ZNF737: variants seen among roughly 807,000 people sequenced by gnomAD.
ZNF737 encodes zinc finger protein 737.
Under a neutral mutation model 11.7 loss-of-function variants are expected in ZNF737, and 13 were observed. The ratio of observed to expected loss-of-function variants is 1.11; its 90% CI spans 0.73 to 1.77. The LOEUF (loss-of-function observed/expected upper bound fraction) is 1.77. Ranked by LOEUF, ZNF737 falls within the 40% of genes most tolerant of loss-of-function variation. The pLI is 0.00. For synonymous variants in ZNF737, 217 were observed against 216.2 expected, an observed-to-expected ratio of 1.00 and a Z score of -0.03; for missense variants, 636 against 638.0, an observed-to-expected ratio of 1.00 and a Z score of 0.03.
Position 20,542,982 on chromosome 19 carries a change from G to A in ZNF737, c.*1610C>T. The A allele has an allele frequency of 1.0e-6, 1 of 984,710 alleles. No homozygotes were observed. Among genetic ancestry groups the A allele is most frequent in the Non-Finnish European group, 1.2e-6 (1 of 829,418 alleles). 61.0% of individuals were successfully genotyped at this position (984,710 alleles called of 1,614,324 possible). On this transcript the variant is annotated 3_prime_UTR_variant, in exon 4 of 4. Coordinates refer to ENST00000427401, the MANE Select transcript of ZNF737 (RefSeq NM_001159293.2). ...AATCTACTCCTTTTAAAGTTAAATA[G>A]AAATCATTTACCTAAAAACTGCAGT...
chr19:20,545,621 A>C lies in ZNF737; in HGVS notation c.582T>G (p.Ile194Met). The C allele has an allele frequency of 1.2e-6, 2 of 1,613,996 alleles. No individual in the cohort carries two copies. Among genetic ancestry groups the C allele is most frequent in the Non-Finnish European group, 1.7e-6 (2 of 1,179,962 alleles). ...QSSTLTTHKK[I>M]HTGEKPFKCE... is the part of the protein sequence containing the mutation. ...ATTTGAAGGGTTTCTCCCCAGTATG[A>C]ATTTTCTTATGTGTAGTAAGGGTTG... The change falls in exon 4 of 4, where the codon ATT becomes ATG. Residue 194 changes from isoleucine (I) to methionine (M), a missense_variant. By Grantham distance (10) the Ile-to-Met change is conservative. Transcript: ENST00000427401.
In ZNF737 at chr19:20,539,225, GGTTGCAGT is replaced by G. The variant is rs1968100218; in HGVS notation, c.*5359_*5366del. On this transcript the variant is annotated 3_prime_UTR_variant, in exon 4 of 4. Transcript: ENST00000427401. Reference sequence around the variant, plus strand: ...GAATCACTTGAACCAGGGAGGTGGAGGTTGCAGTGAGCTGAGCACGTACCATTGCAGTG... The same window carrying G: ...GAATCACTTGAACCAGGGAGGTGGAGGAGCTGAGCACGTACCATTGCAGTG... 1 of 805,534 alleles carries G rather than the reference GGTTGCAGT, an allele frequency of 1.2e-6. No homozygotes were observed. The highest frequency in any genetic ancestry group is 6.2e-5 in the Admixed American group (1 of 16,032). The allele number at this position is 805,534 out of a possible 1,614,324, so 49.9% of individuals were successfully genotyped here.
intron 3 of ZNF737, among the ~76,000 whole-genome samples, chr19:20,547,549 C>G (rs1968501060): frequency 6.6e-6 from 1 of 152,094 alleles, no homozygotes; most frequent in South Asian, 2.1e-4. Context: ...GAAATAATCT[C>G]TTCAAAAAAT....
rs782564318 is a variant in ZNF737 at position 20,542,664 on chromosome 19, G to A, written c.*1928C>T. ...ATAAAGTATTGCTCTGAACATTTAC[G>A]TTATACATTACTTAATAGAATTTTA... On this transcript the variant is annotated 3_prime_UTR_variant, in exon 4 of 4. Coordinates refer to ENST00000427401, the MANE Select transcript of ZNF737 (RefSeq NM_001159293.2). 4.4e-5 allele frequency: 43 copies of A among 981,742 alleles called. No homozygotes were observed. The highest frequency in any genetic ancestry group is 1.2e-4 in the Admixed American group (2 of 16,228). The allele number at this position is 981,742 out of a possible 1,614,324, so 60.8% of individuals were successfully genotyped here.
chr19:20,543,774 A>C lies in ZNF737; in HGVS notation c.*818T>G. The C allele has an allele frequency of 1.0e-6, 1 of 985,440 alleles. No homozygotes were observed. Among genetic ancestry groups the C allele is most frequent in the South Asian group, 4.7e-5 (1 of 21,296 alleles). 61.0% of individuals were successfully genotyped at this position (985,440 alleles called of 1,614,324 possible). A position where few individuals can be genotyped will look rare whatever the true frequency, so the allele number is the denominator to read the frequency against. ...TGGAGGTGTTCGTAAAAGCAATGTC[A>C]CATTTTTTAGCTTTGCGGATTTCCT... On this transcript the variant is annotated 3_prime_UTR_variant, in exon 4 of 4. Coordinates refer to ENST00000427401, the MANE Select transcript of ZNF737 (RefSeq NM_001159293.2).
At chr19:20,531,632 T>G (rs1312526684), downstream of ZNF737, among the ~76,000 whole-genome samples, 42 of 149,846 alleles carry the variant, frequency 2.8e-4, no homozygotes, top group African/African-American at 1.0e-3. Context: ...ATTTCTTGTA[T>G]TTTTTAGTAA....
chr19:20,548,962 G>GAAAAAAAAAAAAAAAAA (rs3047010), intron 3 of ZNF737, among the ~76,000 whole-genome samples: 3 of 86,442 alleles, frequency 3.5e-5, no homozygotes, highest in African/African-American at 5.2e-5. Context: ...AAGAAAAACT[G>GAAAAAAAAAAAAAAAAA]AAAAAAAAAA....
chr19:20,561,807 T>C (rs545059926), intron 1 of ZNF737, among the ~76,000 whole-genome samples: 4 of 152,182 alleles, frequency 2.6e-5, no homozygotes, highest in Non-Finnish European at 5.9e-5. Flanking sequence ...GCTTCTGAGC[T>C]ACTGTTTAAA....
chr19:20,553,602 G>T, intron 2 of ZNF737, 107 bp downstream of exon 2: 2 of 1,162,752 alleles, frequency 1.7e-6, no homozygotes, highest in South Asian at 3.0e-5. Context: ...TGAAAAAGTG[G>T]ATCTGAAACT....
At position 20,541,044 on chromosome 19, in the gene ZNF737, T is replaced by C; in HGVS notation, c.*3548A>G. On this transcript the variant is annotated 3_prime_UTR_variant, in exon 4 of 4. Coordinates refer to ENST00000427401, the MANE Select transcript of ZNF737 (RefSeq NM_001159293.2). Reference sequence around the variant, plus strand: ...TTATTGTACTCAAGAGAGTTGTTTCTGGAGACAAAGTTGCCTGTGCTTTAA... The same window carrying C: ...TTATTGTACTCAAGAGAGTTGTTTCCGGAGACAAAGTTGCCTGTGCTTTAA... The C allele has an allele frequency of 1.0e-6, 1 of 985,402 alleles. No individual in the cohort carries two copies. The highest frequency in any genetic ancestry group is 6.1e-5 in the Admixed American group (1 of 16,282). 61.0% of individuals were successfully genotyped at this position (985,402 alleles called of 1,614,324 possible).
chr19:20,547,685 T>C (rs1968506487), intron 3 of ZNF737, among the ~76,000 whole-genome samples: 1 of 145,172 alleles, frequency 6.9e-6, no homozygotes, highest in East Asian at 2.1e-4. Flanking sequence ...TGAAAGAACA[T>C]ACAAAATCAT....
downstream of ZNF737, chr19:20,535,801 A>G (rs1397829835): frequency 1.3e-5 from 2 of 151,876 alleles, no homozygotes; most frequent in Non-Finnish European, 2.9e-5. Flanking sequence ...TGTTGGGATT[A>G]CAGGCGTCAG....
rs1555756431 is a variant in ZNF737 at position 20,545,073 on chromosome 19, G to C, written c.1130C>G (p.Ala377Gly). 2 of 1,612,646 alleles carry C rather than the reference G, an allele frequency of 1.2e-6. No homozygotes were observed. The highest frequency in any genetic ancestry group is 3.3e-5 in the Admixed American group (2 of 59,972). Residue 377 changes from alanine (A) to glycine (G), a missense_variant, in exon 4 of 4, where the codon GCC (alanine) becomes GGC (glycine). Coordinates refer to ENST00000427401, the MANE Select transcript of ZNF737 (RefSeq NM_001159293.2). ...KPYKCEECGK[A>G]FNWSSHLTTH... is the part of the protein sequence containing the mutation. ...AGTAAGGTGTGAGGACCAGTTGAAG[G>C]CTTTGCCACATTCTTCACATTTGTA... is the stretch of plus-strand genomic sequence containing the variant.
chr19:20,530,310 GGC>G, the ZNF737 span, among the ~76,000 whole-genome samples: 7 of 139,970 alleles, frequency 5.0e-5, no homozygotes, highest in Non-Finnish European at 7.8e-5. Flanking sequence ...CCGGGCGGGG[GGC>G]TGACCCCCCA....
In ZNF737 at chr19:20,538,868, T is replaced by C. The variant is rs569485737; in HGVS notation, c.*5724A>G. ...ATCTGTTACCCATTAATTTTATACA[T>C]TTGCTTTTTTGAAAAACAAATCTTT... On this transcript the variant is annotated 3_prime_UTR_variant, in exon 4 of 4. Coordinates refer to ENST00000427401, the MANE Select transcript of ZNF737 (RefSeq NM_001159293.2). 143 of 985,310 alleles carry C rather than the reference T, an allele frequency of 1.5e-4. 1 individual carries two copies. In the Middle Eastern group the frequency reaches 3.1e-3, roughly 22 times the overall value. The allele number at this position is 985,310 out of a possible 1,614,324, so 61.0% of individuals were successfully genotyped here.
rs1157379860 is a variant in ZNF737, at chr19:20,544,857, C to G, written c.1346G>C (p.Gly449Ala). Residue 449 changes from glycine (G) to alanine (A), a missense_variant, in exon 4 of 4, where the codon GGA (glycine) becomes GCA (alanine). Gly to Ala is a moderately conservative substitution (Grantham distance 60). Transcript: ENST00000427401. The part of the protein sequence containing the change: ...ILTTHKRIHT[G>A]EKPYKCEECG... Reference sequence around the variant, plus strand: ...TTCTTCACATTTGTAGGGTTTCTCTCCAGTATGAATTCTCTTATGTGTAGT... The same window carrying G: ...TTCTTCACATTTGTAGGGTTTCTCTGCAGTATGAATTCTCTTATGTGTAGT... 7 of 1,613,568 alleles carry G rather than the reference C, an allele frequency of 4.3e-6. No individual in the cohort carries two copies. Among genetic ancestry groups the G allele is most frequent in the Non-Finnish European group, 5.9e-6 (7 of 1,179,878 alleles).
In ZNF737 at chr19:20,545,949, A is replaced by C. The variant is rs781843322; in HGVS notation, c.254T>G (p.Leu85Arg). 1.9e-6 allele frequency: 3 copies of C among 1,557,256 alleles called. No homozygotes were observed. In the South Asian group the frequency reaches 3.7e-5, roughly 19 times the overall value. ...SVTCSHFARDLWPEQSIKDSF... is the reference protein window; with the variant it reads ...SVTCSHFARDRWPEQSIKDSF... ...ATCTTTTATGCTCTGCTCTGGCCAAAGATCTCGGGCAAAATGAGAACACGT... is the reference window on the plus strand; with the variant it reads ...ATCTTTTATGCTCTGCTCTGGCCAACGATCTCGGGCAAAATGAGAACACGT... The change falls in exon 4 of 4, where the codon CTT becomes CGT. Residue 85 changes from leucine (L) to arginine (R), a missense_variant. Transcript: ENST00000427401.
chr19:20,531,591 G>T (rs781877551), downstream of ZNF737, among the ~76,000 whole-genome samples: 3 of 149,286 alleles, frequency 2.0e-5, no homozygotes, highest in African/African-American at 5.0e-5. Context: ...TAGTAGCTGG[G>T]ATTACAGATG....
downstream of ZNF737, among the ~76,000 whole-genome samples, chr19:20,531,990 T>C (rs1159999428): frequency 6.7e-6 from 1 of 150,332 alleles, no homozygotes; most frequent in Non-Finnish European, 1.5e-5. Flanking sequence ...CTAAATAACA[T>C]GTCAGAATGG....
Sources: gnomAD v4.1 joint callset for allele counts (sites outside exome capture counted in the v4.1 genomes callset) on GRCh38, gnomAD v4.1.1 for gene constraint, MANE v1.5 for transcripts, NCBI Gene and HGNC (gene_info 2026-07-23, HGNC 2026-07-21) for gene names.